The following PIEZO1 variants were observed in gnomAD, a reference collection of about 807,000 sequenced individuals.
PIEZO1 encodes the protein piezo type mechanosensitive ion channel component 1 (Er blood group).
PIEZO1 carries 296 observed loss-of-function variants against 297.2 expected under a neutral mutation model. The observed-to-expected ratio is 1.00, with a 90% CI of 0.91 to 1.10. PIEZO1 has a LOEUF of 1.10. PIEZO1 is among the 50% of genes least tolerant of loss of function. PIEZO1 has a pLI of 0.00. For synonymous variants in PIEZO1, 2,427 were observed against 1,507.5 expected, an observed-to-expected ratio of 1.61 and a Z score of -14.13; for missense variants, 5,018 against 3,455.5, an observed-to-expected ratio of 1.45 and a Z score of -11.34.
rs926874372 is a variant in PIEZO1 at position 88,749,606 on chromosome 16, G to A, written c.65-127C>T. The A allele has an allele frequency of 3.7e-5, 26 of 696,550 alleles. No homozygotes were observed. In the African/African-American group the frequency reaches 4.0e-4, roughly 11 times the overall value. 43.1% of individuals were successfully genotyped at this position (696,550 alleles called of 1,614,324 possible). On this transcript the variant is annotated intron_variant, in intron 1 of 50. Transcript: ENST00000301015. ...GTGTGCCCTGTGAGTGCTGCCCTGAGCCAGAGCCGTGGAAGCCGCCTCGCG... is the reference window on the plus strand; with the variant it reads ...GTGTGCCCTGTGAGTGCTGCCCTGAACCAGAGCCGTGGAAGCCGCCTCGCG...
intron 1 of PIEZO1, among the ~76,000 whole-genome samples, chr16:88,767,943 C>T (rs577795671): frequency 5.9e-5 from 9 of 152,334 alleles, no homozygotes; most frequent in African/African-American, 2.2e-4. Context: ...ACGAGACTCA[C>T]GCACATGCTT....
intron 1 of PIEZO1, among the ~76,000 whole-genome samples, chr16:88,771,540 C>T (rs1907424336): frequency 1.3e-5 from 2 of 152,244 alleles, no homozygotes; most frequent in South Asian, 2.1e-4. Flanking sequence ...AGGGGCCACA[C>T]ACGCCCAAGC....
At chr16:88,718,023 C>A (rs1370955365) in intron 44 of PIEZO1, 2 of 326,332 alleles carry the variant, frequency 6.1e-6, no homozygotes, top group Admixed American at 9.6e-5. Flanking sequence ...GCAGAGGCTA[C>A]AGTGAGTGAA....
At chr16:88,730,959 G>T (rs1177351968) in intron 22 of PIEZO1, among the ~76,000 whole-genome samples, 2 of 152,240 alleles carry the variant, frequency 1.3e-5, no homozygotes, top group Non-Finnish European at 2.9e-5. Context: ...GTGCCAACAG[G>T]CTGGGTGCCA....
At chr16:88,758,428 G>C (rs1906775264) in intron 1 of PIEZO1, among the ~76,000 whole-genome samples, 1 of 152,232 alleles carries the variant, frequency 6.6e-6, no homozygotes, top group Admixed American at 6.5e-5. Flanking sequence ...TCGTCACTCA[G>C]CCATCCCCAG....
At chr16:88,737,447 A>AT in intron 10 of PIEZO1, 112 bp downstream of exon 10, 1 of 690,298 alleles carries the variant, frequency 1.4e-6, no homozygotes, top group Middle Eastern at 4.1e-4. Flanking sequence ...AGGGGGCGGC[A>AT]GGCAGAGGTG....
chr16:88,726,865 G>A lies in PIEZO1; in HGVS notation c.3549C>T (p.Ser1183=), dbSNP rs1249678375. ...VVFVTGATRI[S]IFGLGYLLAC... ...CCAGCAGGTAGCCCAGCCCGAAGATGCTGATGCGGGTGGCCCCCGTGACAA... is the reference window on the plus strand; with the variant it reads ...CCAGCAGGTAGCCCAGCCCGAAGATACTGATGCGGGTGGCCCCCGTGACAA... Residue 1183 remains serine, a synonymous_variant, in exon 25 of 51, where the codon AGC becomes AGT. Coordinates refer to ENST00000301015, the MANE Select transcript of PIEZO1 (RefSeq NM_001142864.4). The A allele has an allele frequency of 2.6e-6, 4 of 1,550,404 alleles. No individual in the cohort carries two copies. Among genetic ancestry groups the A allele is most frequent in the Non-Finnish European group, 3.5e-6 (4 of 1,146,914 alleles).
At chr16:88,778,179 A>T (rs148761496) in intron 1 of PIEZO1, among the ~76,000 whole-genome samples, 1 of 152,222 alleles carries the variant, frequency 6.6e-6, no homozygotes, top group Non-Finnish European at 1.5e-5. Context: ...TGTAGCTCAC[A>T]GATGGGCATG....
intron 12 of PIEZO1, 82 bp downstream of exon 12, chr16:88,736,066 G>A (rs893122899): frequency 1.8e-5 from 24 of 1,369,166 alleles, no homozygotes; most frequent in Admixed American, 6.7e-5. Flanking sequence ...CCACTCCCCC[G>A]GGCAAGTGGA....
chr16:88,763,174 G>T (rs1424419074), intron 1 of PIEZO1, among the ~76,000 whole-genome samples: 1 of 152,196 alleles, frequency 6.6e-6, no homozygotes, highest in African/African-American at 2.4e-5. Flanking sequence ...GTCCTCCGGA[G>T]ATAGGGATGA....
In PIEZO1 at chr16:88,717,050, G is replaced by T; in HGVS notation, c.6633C>A (p.Thr2211=). The T allele has an allele frequency of 6.4e-7, 1 of 1,550,790 alleles. No homozygotes were observed. The highest frequency in any genetic ancestry group is 2.4e-5 in the East Asian group (1 of 40,932). Residue 2211 remains threonine, a synonymous_variant, in exon 45 of 51, where the codon ACC becomes ACA. Transcript: ENST00000301015. The part of the protein sequence containing the change: ...VGVVNQPIDV[T]VTLKLGGYEP... The stretch of plus-strand genomic sequence containing the variant: ...CATAGCCGCCCAGCTTCAGGGTGAC[G>T]GTGACATCGATGGGCTGGTTGACAA...
chr16:88,752,661 C>A (rs936947601), intron 1 of PIEZO1, among the ~76,000 whole-genome samples: 2 of 152,068 alleles, frequency 1.3e-5, no homozygotes, highest in Non-Finnish European at 2.9e-5. Context: ...CCTCCCTGAC[C>A]GCCCTGCCCC....
chr16:88,765,944 G>T (rs1907157083), intron 1 of PIEZO1, among the ~76,000 whole-genome samples: 1 of 152,098 alleles, frequency 6.6e-6, no homozygotes, highest in Non-Finnish European at 1.5e-5. Flanking sequence ...AAGGTGCTGG[G>T]GATACAGGTG....
Position 88,723,334 on chromosome 16 carries a change from G to A in PIEZO1, c.4336-6C>T, listed in dbSNP as rs770984936. The A allele has an allele frequency of 2.2e-5, 34 of 1,537,110 alleles. No individual in the cohort carries two copies. The highest frequency in any genetic ancestry group is 1.7e-4 in the Middle Eastern group (1 of 5,988). On this transcript the variant is annotated splice_polypyrimidine_tract_variant and splice_region_variant and intron_variant, in intron 31 of 50. Coordinates refer to ENST00000301015, the MANE Select transcript of PIEZO1 (RefSeq NM_001142864.4). ...ACCCATGCCTGGTACGCCAGCTGTC[G>A]GCCAGCCCCCGGGTTAGGACCCGGC... is the stretch of plus-strand genomic sequence containing the variant.
At chr16:88,724,268 C>T (rs975197101) in intron 30 of PIEZO1, among the ~76,000 whole-genome samples, 12 of 152,220 alleles carry the variant, frequency 7.9e-5, no homozygotes, top group East Asian at 1.9e-4. Flanking sequence ...CGGTGGCTGA[C>T]GCCTGTAATC....
chr16:88,735,338 A>G, intron 12 of PIEZO1, 92 bp from the exon 13 acceptor site: 1 of 890,574 alleles, frequency 1.1e-6, no homozygotes, highest in Non-Finnish European at 1.8e-6. Context: ...GCAGGGGGCA[A>G]GAGCTCTCAG....
In PIEZO1 at chr16:88,716,356, C is replaced by T. The variant is rs1476224215; in HGVS notation, c.7049+5G>A. ...TCCTGCCCACCACCCGGGCCCTTCACTCACACAGACTGGTCCGAGGTGCCC... is the reference window on the plus strand; with the variant it reads ...TCCTGCCCACCACCCGGGCCCTTCATTCACACAGACTGGTCCGAGGTGCCC... On this transcript the variant is annotated splice_donor_5th_base_variant and intron_variant, in intron 48 of 50. Transcript: ENST00000301015. The T allele has an allele frequency of 2.0e-6, 3 of 1,528,510 alleles. No homozygotes were observed. Among genetic ancestry groups the T allele is most frequent in the South Asian group, 2.5e-5 (2 of 81,314 alleles). The allele number at this position is 1,528,510 out of a possible 1,614,324, so 94.7% of individuals were successfully genotyped here.
rs760732001 is a variant in PIEZO1 at position 88,721,888 on chromosome 16, C to T, written c.5134G>A (p.Val1712Met). ...AGCATGGCCCACAGGAAGACGAGCA[C>T]GGGCAGCACCAGCGAGCCGGCGGAG... is the stretch of plus-strand genomic sequence containing the variant. ...TASAGSLVLP[V>M]LVFLWAMLSI... Residue 1712 changes from valine (V) to methionine (M), a missense_variant, in exon 37 of 51, where the codon GTG becomes ATG. Physicochemically the swap from Val to Met is conservative, Grantham distance 21. Coordinates refer to ENST00000301015, the MANE Select transcript of PIEZO1 (RefSeq NM_001142864.4). The T allele has an allele frequency of 1.3e-4, 198 of 1,549,932 alleles. 1 individual carries two copies. The highest frequency in any genetic ancestry group is 6.4e-4 in the East Asian group (26 of 40,918).
Position 88,723,108 on chromosome 16 carries a change from C to T in PIEZO1, c.4482G>A (p.Glu1494=), listed in dbSNP as rs1202268799. 1.3e-6 allele frequency: 2 copies of T among 1,548,456 alleles called. No homozygotes were observed. The highest frequency in any genetic ancestry group is 2.4e-5 in the East Asian group (1 of 40,916). Residue 1494 remains glutamate (E), a synonymous_variant, in exon 33 of 51, where the codon GAG becomes GAA. Coordinates refer to ENST00000301015, the MANE Select transcript of PIEZO1 (RefSeq NM_001142864.4). ...GGGCCCACGTACCTGCCGCTGCCTC[C>T]TCGGGGCCCTCTGCTGGCTCCACCT... ...SQEVEPAEGP[E]EAAAGRSHVV...
Sources: gnomAD v4.1 joint callset for allele counts (sites outside exome capture counted in the v4.1 genomes callset) on GRCh38, gnomAD v4.1.1 for gene constraint, MANE v1.5 for transcripts, NCBI Gene and HGNC (gene_info 2026-07-23, HGNC 2026-07-21) for gene names.